FRMPD4: variants seen among roughly 807,000 people sequenced by gnomAD.
FRMPD4 encodes FERM and PDZ domain containing 4.
A neutral mutation model predicts 94.1 loss-of-function variants in FRMPD4; 22 were observed. That is an observed-to-expected ratio of 0.23 (90% confidence interval 0.17 to 0.33). FRMPD4 has a LOEUF of 0.33. Among genes scored for constraint, FRMPD4 ranks in the 10% least tolerant of loss-of-function variants. The pLI is 1.00. For synonymous variants in FRMPD4, 631 were observed against 548.6 expected (o/e 1.15, Z -2.10); for missense variants, 1,111 against 1,339.9 (o/e 0.83, Z 2.67).
chrX:12,400,609 G>T (rs368483824), intron 1 of FRMPD4, among the ~76,000 whole-genome samples: 1 of 111,543 alleles, frequency 9.0e-6, no homozygotes, highest in East Asian at 2.8e-4. Flanking sequence ...TGCCCTTTTC[G>T]ACCTAGGATG....
intron 3 of FRMPD4, among the ~76,000 whole-genome samples, chrX:12,106,018 C>G (rs1030692135): frequency 8.9e-6 from 1 of 112,115 alleles, no homozygotes; most frequent in Non-Finnish European, 1.9e-5. Context: ...GGCTCCACTA[C>G]CTTCAATGAA....
chrX:12,412,223 T>C (rs2056742666), intron 1 of FRMPD4, among the ~76,000 whole-genome samples: 1 of 112,359 alleles, frequency 8.9e-6, no homozygotes, highest in South Asian at 3.7e-4. Context: ...ACAGATTCCT[T>C]GAGCAGATCT....
chrX:12,319,529 T>C (rs1311235135), intron 1 of FRMPD4, among the ~76,000 whole-genome samples: 2 of 111,499 alleles, frequency 1.8e-5, no homozygotes, highest in Non-Finnish European at 3.8e-5. Context: ...GGAAGATAGT[T>C]TCTCCCCACA....
chrX:12,338,254 A>G, intron 1 of FRMPD4, among the ~76,000 whole-genome samples: 1 of 112,549 alleles, frequency 8.9e-6, no homozygotes, highest in East Asian at 2.8e-4. Flanking sequence ...GCCCATGTGC[A>G]GAAGTGTGCC....
chrX:11,957,264 A>G (rs140619915), intron 3 of FRMPD4, among the ~76,000 whole-genome samples: 1,349 of 112,196 alleles, frequency 0.012, 5 homozygotes, highest in South Asian at 0.017. Flanking sequence ...ATTTTAAAGT[A>G]GAAGTAATGA....
chrX:12,317,585 C>CAAAAAA (rs376884335), intron 1 of FRMPD4, among the ~76,000 whole-genome samples: 14 of 42,405 alleles, frequency 3.3e-4, no homozygotes, highest in East Asian at 9.9e-4. Flanking sequence ...AACTAAATAG[C>CAAAAAA]AAAAAAAAAA....
chrX:12,716,187 G>A lies in FRMPD4; in HGVS notation c.1728G>A (p.Lys576=), dbSNP rs138860095. 9.4e-5 allele frequency: 113 copies of A among 1,205,123 alleles called. No individual in the cohort carries two copies. The African/African-American group carries it at 1.8e-3, about 19-fold the overall frequency. Reference sequence around the variant, plus strand: ...CCCAGATAACATACATAGATTCAAAGCAGAAGACGGTGGAGATCACAGACA... The same window carrying A: ...CCCAGATAACATACATAGATTCAAAACAGAAGACGGTGGAGATCACAGACA... ...QEAQITYIDS[K]QKTVEITDST... Residue 576 remains lysine, a synonymous_variant, in exon 15 of 17, where the codon AAG becomes AAA. Coordinates refer to ENST00000675598, the MANE Select transcript of FRMPD4 (RefSeq NM_001368397.1).
At chrX:12,128,225 C>T (rs2055517742) in intron 3 of FRMPD4, among the ~76,000 whole-genome samples, 1 of 113,422 alleles carries the variant, frequency 8.8e-6, no homozygotes, top group Non-Finnish European at 1.9e-5. Context: ...TCTGCCTGGA[C>T]ATCCTGGCAT....
At chrX:12,069,526 A>G (rs186885954) in intron 3 of FRMPD4, among the ~76,000 whole-genome samples, 10 of 111,859 alleles carry the variant, frequency 8.9e-5, no homozygotes, top group Admixed American at 4.7e-4. Flanking sequence ...AGAAGTGCCA[A>G]TAGGATTTTC....
intron 1 of FRMPD4, among the ~76,000 whole-genome samples, chrX:11,857,563 G>C (rs1330370603): frequency 8.9e-6 from 1 of 112,751 alleles, no homozygotes; most frequent in Non-Finnish European, 1.9e-5. Flanking sequence ...ACTTGACATG[G>C]ATTAAAGACT....
At chrX:11,963,999 T>C (rs2054296923) in intron 3 of FRMPD4, among the ~76,000 whole-genome samples, 1 of 111,697 alleles carries the variant, frequency 9.0e-6, no homozygotes. Context: ...GTTGGTTAGA[T>C]GTGCCACAAA....
At chrX:12,548,781 G>A (rs1350330375) in intron 2 of FRMPD4, among the ~76,000 whole-genome samples, 1 of 112,071 alleles carries the variant, frequency 8.9e-6, no homozygotes, top group Admixed American at 9.5e-5. Context: ...GGGCCAGGCA[G>A]CAGATGTAGG....
intron 1 of FRMPD4, among the ~76,000 whole-genome samples, chrX:12,289,903 T>G (rs931882113): frequency 1.8e-5 from 2 of 111,979 alleles, no homozygotes; most frequent in African/African-American, 6.5e-5. Flanking sequence ...CACCCAGACC[T>G]TGGTAAGGAA....
chrX:12,579,398 CAAAGCCATCTACT>C (rs747537144), intron 2 of FRMPD4, among the ~76,000 whole-genome samples: 1 of 112,076 alleles, frequency 8.9e-6, no homozygotes, highest in South Asian at 3.7e-4. Context: ...GGACACATTT[CAAAGCCATCTACT>C]AAGGAGAGTT....
chrX:12,477,561 G>C, intron 1 of FRMPD4, among the ~76,000 whole-genome samples: 1 of 112,493 alleles, frequency 8.9e-6, no homozygotes, highest in African/African-American at 3.2e-5. Context: ...TTTCAGCTGG[G>C]TTGTTTCCAG....
At position 11,840,665 on chromosome X, in the gene FRMPD4, G is replaced by A. The variant is rs1332933666; in HGVS notation, c.-161+17950G>A. ...AAACTTTCAGTCTCTAAGTATGATG[G>A]TAGCTATAAGTGATTTTGTGCCCTT... On this transcript the variant is annotated intron_variant, in intron 1 of 18. Coordinates refer to the FRMPD4 transcript ENST00000640291. 3.7e-5 allele frequency among the ~76,000 whole-genome samples: 4 copies of A among 109,245 alleles called. No individual in the cohort carries two copies. In the East Asian group the frequency reaches 1.2e-3, roughly 32 times the overall value. 94.9% of individuals were successfully genotyped at this position (109,245 alleles called of 115,157 possible). A position where few individuals can be genotyped will look rare whatever the true frequency, so the allele number is the denominator to read the frequency against.
chrX:12,358,363 G>A (rs2055927696), intron 1 of FRMPD4, among the ~76,000 whole-genome samples: 1 of 110,990 alleles, frequency 9.0e-6, no homozygotes. Context: ...TCCTTATCCA[G>A]GGCTCTTGGA....
chrX:11,919,665 T>C (rs2054044577), intron 3 of FRMPD4, among the ~76,000 whole-genome samples: 1 of 111,557 alleles, frequency 9.0e-6, no homozygotes, highest in Non-Finnish European at 1.9e-5. Flanking sequence ...AATCAGGAGC[T>C]CCACCGTGAA....
intron 3 of FRMPD4, among the ~76,000 whole-genome samples, chrX:11,957,449 C>A (rs1446326218): frequency 9.0e-6 from 1 of 111,166 alleles, no homozygotes; most frequent in Non-Finnish European, 1.9e-5. Context: ...CCTATAGTCC[C>A]AGCTACTCAA....
Sources: allele counts gnomAD v4.1 joint callset (sites outside exome capture counted in the v4.1 genomes callset), GRCh38; gene constraint gnomAD v4.1.1; transcripts MANE v1.5; gene names NCBI Gene and HGNC (gene_info 2026-07-23, HGNC 2026-07-21).